CAMTA1: variants seen among roughly 807,000 people sequenced by gnomAD.
CAMTA1 encodes the protein calmodulin binding transcription activator 1.
Under a neutral mutation model 170.9 loss-of-function variants are expected in CAMTA1, and 27 were observed. The observed-to-expected ratio is 0.16, with a 90% CI of 0.12 to 0.22. The LOEUF is 0.22. CAMTA1 is among the 10% of genes least tolerant of loss of function. CAMTA1 has a pLI of 1.00. For synonymous variants in CAMTA1, 833 were observed against 891.5 expected, an observed-to-expected ratio of 0.93 and a Z score of 1.17; for missense variants, 1,619 against 2,217.2, an observed-to-expected ratio of 0.73 and a Z score of 5.42.
intron 1 of CAMTA1, among the ~76,000 whole-genome samples, chr1:6,804,377 T>A (rs1644268298): frequency 6.6e-6 from 1 of 152,014 alleles, no homozygotes; most frequent in Non-Finnish European, 1.5e-5. Context: ...TTAACCCTTT[T>A]AAAATATATA....
At chr1:6,935,356 G>C (rs902749243) in intron 3 of CAMTA1, among the ~76,000 whole-genome samples, 4 of 152,066 alleles carry the variant, frequency 2.6e-5, no homozygotes, top group African/African-American at 9.7e-5. Flanking sequence ...GACAAAAGAG[G>C]CGAGTCCAGA....
chr1:7,394,827 G>A (rs74371058), intron 5 of CAMTA1, among the ~76,000 whole-genome samples: 14 of 147,770 alleles, frequency 9.5e-5, no homozygotes, highest in Middle Eastern at 7.0e-3. Flanking sequence ...GTGTGTGTGT[G>A]TGTGTGTGTG....
intron 5 of CAMTA1, among the ~76,000 whole-genome samples, chr1:7,324,553 G>A (rs186880748): frequency 1.3e-5 from 2 of 151,196 alleles, no homozygotes; most frequent in African/African-American, 2.4e-5. Context: ...TCCTTCTTTC[G>A]CCATGTTTTC....
intron 6 of CAMTA1, among the ~76,000 whole-genome samples, chr1:7,628,013 C>T (rs917121922): frequency 5.9e-5 from 9 of 151,938 alleles, no homozygotes; most frequent in South Asian, 2.1e-4. Flanking sequence ...GGCTCATGGG[C>T]GATGCAACAA....
At chr1:7,698,787 C>T (rs2096406373) in intron 11 of CAMTA1, 1 of 41,106 alleles carries the variant, frequency 2.4e-5, no homozygotes, top group Non-Finnish European at 5.7e-5. Flanking sequence ...TTTTCACGAC[C>T]TTCAGAAGCA....
chr1:7,520,907 CAGT>C (rs34667809), intron 6 of CAMTA1, among the ~76,000 whole-genome samples: 27,595 of 151,992 alleles, frequency 0.18, 3,199 homozygotes, highest in East Asian at 0.45. Context: ...TCCAGACAGA[CAGT>C]CACACAAACA....
chr1:6,842,653 G>A (rs1048652301), intron 3 of CAMTA1, among the ~76,000 whole-genome samples: 3 of 152,220 alleles, frequency 2.0e-5, no homozygotes, highest in Non-Finnish European at 4.4e-5. Flanking sequence ...AGGCGTGGCG[G>A]CTCATACCTG....
chr1:6,989,547 A>T (rs1695964804), intron 3 of CAMTA1, among the ~76,000 whole-genome samples: 1 of 152,168 alleles, frequency 6.6e-6, no homozygotes, highest in Admixed American at 6.5e-5. Flanking sequence ...TTTTCCCCAA[A>T]CAAGATTTAT....
chr1:7,294,281 A>T (rs973100800), intron 5 of CAMTA1, among the ~76,000 whole-genome samples: 1 of 152,136 alleles, frequency 6.6e-6, no homozygotes, highest in African/African-American at 2.4e-5. Flanking sequence ...GCTGAGTGTC[A>T]GGACTGGGGG....
At chr1:7,477,856 G>A (rs915407587) in intron 6 of CAMTA1, among the ~76,000 whole-genome samples, 4 of 152,168 alleles carry the variant, frequency 2.6e-5, no homozygotes, top group East Asian at 1.9e-4. Flanking sequence ...CCGTGTGGAC[G>A]AGTGGGTACT....
At chr1:7,683,305 C>T (rs550133648) in intron 11 of CAMTA1, among the ~76,000 whole-genome samples, 6 of 152,166 alleles carry the variant, frequency 3.9e-5, no homozygotes, top group Non-Finnish European at 7.4e-5. Flanking sequence ...TGTAAAATGC[C>T]TTTGCTTTAC....
intron 3 of CAMTA1, among the ~76,000 whole-genome samples, chr1:7,001,278 C>T (rs1344325033): frequency 6.6e-6 from 1 of 152,164 alleles, no homozygotes; most frequent in Admixed American, 6.5e-5. Flanking sequence ...GCTGTCTCTC[C>T]AGGTCCCAGG....
At chr1:7,365,232 G>GC (rs5772275) in intron 5 of CAMTA1, among the ~76,000 whole-genome samples, 152,334 of 152,338 alleles carry the variant, frequency 1, 76,165 homozygotes, top group Middle Eastern at 1. Context: ...TGGTGGCTGC[G>GC]CTGTGGATGG....
At chr1:6,914,735 TTTAG>T (rs1226934107) in intron 3 of CAMTA1, among the ~76,000 whole-genome samples, 1 of 152,206 alleles carries the variant, frequency 6.6e-6, no homozygotes, top group African/African-American at 2.4e-5. Context: ...GCCAGGGGCT[TTTAG>T]TTTAGCTGGG....
intron 11 of CAMTA1, among the ~76,000 whole-genome samples, chr1:7,724,158 A>C (rs1388012068): frequency 6.6e-6 from 1 of 152,220 alleles, no homozygotes; most frequent in African/African-American, 2.4e-5. Context: ...GAATATGGAG[A>C]AACTGTCACA....
chr1:7,605,265 A>G (rs2150608585), intron 6 of CAMTA1, among the ~76,000 whole-genome samples: 1 of 152,300 alleles, frequency 6.6e-6, no homozygotes, highest in South Asian at 2.1e-4. Context: ...TTGTTTGGCT[A>G]TGCCCTGCCC....
At chr1:6,854,091 C>A (rs567249342) in intron 3 of CAMTA1, among the ~76,000 whole-genome samples, 1 of 152,102 alleles carries the variant, frequency 6.6e-6, no homozygotes, top group African/African-American at 2.4e-5. Flanking sequence ...GTAATCTAGA[C>A]GTACTACTGT....
At chr1:7,016,620 G>A (rs1700570359) in intron 3 of CAMTA1, among the ~76,000 whole-genome samples, 1 of 152,216 alleles carries the variant, frequency 6.6e-6, no homozygotes, top group Non-Finnish European at 1.5e-5. Flanking sequence ...GATCACTTGA[G>A]GTCAGGGATT....
intron 7 of CAMTA1, among the ~76,000 whole-genome samples, chr1:7,656,296 G>C (rs916473735): frequency 6.6e-6 from 1 of 152,182 alleles, no homozygotes; most frequent in Non-Finnish European, 1.5e-5. Flanking sequence ...GGGGACATTG[G>C]GGTTGGTTTC....
Sources: gnomAD v4.1 joint callset for allele counts (sites outside exome capture counted in the v4.1 genomes callset) on GRCh38, gnomAD v4.1.1 for gene constraint, MANE v1.5 for transcripts, NCBI Gene and HGNC (gene_info 2026-07-23, HGNC 2026-07-21) for gene names.